The following TAFA1 variants were observed in gnomAD, a reference collection of about 807,000 sequenced individuals.
TAFA1 encodes chemokine-like protein TAFA-1.
A neutral mutation model predicts 18.5 loss-of-function variants in TAFA1; 4 were observed. That is an observed-to-expected ratio of 0.22 (90% CI 0.11 to 0.49). The LOEUF (loss-of-function observed/expected upper bound fraction) is 0.49. Ranked by LOEUF, TAFA1 falls within the 20% of genes least tolerant of loss-of-function variation. The probability of loss-of-function intolerance (pLI) is 0.98; values close to 1 mark genes in which losing one functional copy is unlikely to be tolerated. For missense variants in TAFA1, 147 were observed against 169.0 expected (o/e 0.87, Z 0.72); for synonymous variants, 56 against 55.2 (o/e 1.01, Z -0.06).
chr3:68,349,608 A>G (rs960839154), intron 2 of TAFA1, among the ~76,000 whole-genome samples: 2 of 152,134 alleles, frequency 1.3e-5, no homozygotes, highest in Non-Finnish European at 2.9e-5. Context: ...ACCTGGAAAG[A>G]GCCAGATAGT....
intron 2 of TAFA1, among the ~76,000 whole-genome samples, chr3:68,365,989 G>A (rs1203233258): frequency 2.0e-5 from 3 of 149,856 alleles, no homozygotes; most frequent in Non-Finnish European, 4.4e-5. Flanking sequence ...GGAGGCTGAG[G>A]CAGGAGAATC....
chr3:68,243,414 G>A (rs2067027499), intron 2 of TAFA1, among the ~76,000 whole-genome samples: 2 of 151,982 alleles, frequency 1.3e-5, no homozygotes, highest in Admixed American at 6.6e-5. Flanking sequence ...GATATTTAAT[G>A]TAACATTGCC....
intron 2 of TAFA1, among the ~76,000 whole-genome samples, chr3:68,374,141 AACGTAGCC>A (rs1368637173): frequency 6.6e-6 from 1 of 152,166 alleles, no homozygotes; most frequent in Non-Finnish European, 1.5e-5. Context: ...CACATGGTGA[AACGTAGCC>A]ACCCACAACT....
intron 2 of TAFA1, among the ~76,000 whole-genome samples, chr3:68,021,252 T>C (rs573640870): frequency 7.4e-6 from 1 of 135,370 alleles, no homozygotes; most frequent in Non-Finnish European, 1.6e-5. Flanking sequence ...GTGTCACTAA[T>C]AGGGAAGTTT....
chr3:68,209,756 T>C (rs888066795), intron 2 of TAFA1, among the ~76,000 whole-genome samples: 1 of 152,062 alleles, frequency 6.6e-6, no homozygotes, highest in Non-Finnish European at 1.5e-5. Flanking sequence ...TCATGTTTGC[T>C]GTTAAGTTAG....
intron 3 of TAFA1, among the ~76,000 whole-genome samples, chr3:68,528,204 T>C (rs1322860530): frequency 1.3e-5 from 2 of 152,168 alleles, no homozygotes; most frequent in Non-Finnish European, 2.9e-5. Flanking sequence ...AGTATAAAGT[T>C]TATTAGGCAT....
At chr3:68,359,710 G>A (rs928438158) in intron 2 of TAFA1, among the ~76,000 whole-genome samples, 6 of 151,792 alleles carry the variant, frequency 4.0e-5, no homozygotes, top group African/African-American at 1.2e-4. Flanking sequence ...ATAATAAATT[G>A]GTGTTGTTTC....
At chr3:68,399,717 T>C (rs1463376053) in intron 2 of TAFA1, among the ~76,000 whole-genome samples, 2 of 152,222 alleles carry the variant, frequency 1.3e-5, no homozygotes, top group Non-Finnish European at 2.9e-5. Context: ...CTAAATGCTT[T>C]ATGCACATTT....
intron 3 of TAFA1, among the ~76,000 whole-genome samples, chr3:68,464,877 G>T (rs2071856048): frequency 6.6e-6 from 1 of 152,118 alleles, no homozygotes; most frequent in South Asian, 2.1e-4. Flanking sequence ...TGCCAAAGGA[G>T]AGAAGAAATC....
chr3:68,423,878 A>G (rs978615364), intron 3 of TAFA1, among the ~76,000 whole-genome samples: 6 of 151,980 alleles, frequency 3.9e-5, no homozygotes, highest in Non-Finnish European at 8.8e-5. Flanking sequence ...AATCTCTATG[A>G]TAAGTTCAGA....
intron 3 of TAFA1, among the ~76,000 whole-genome samples, chr3:68,488,331 C>A (rs986983379): frequency 1.3e-5 from 2 of 152,186 alleles, no homozygotes; most frequent in Non-Finnish European, 2.9e-5. Flanking sequence ...GTTCTTCTGT[C>A]TGCTTTTATT....
At chr3:68,337,326 A>T (rs1241921233) in intron 2 of TAFA1, among the ~76,000 whole-genome samples, 1 of 151,980 alleles carries the variant, frequency 6.6e-6, no homozygotes, top group Non-Finnish European at 1.5e-5. Context: ...GGTGCCACAC[A>T]TTTAAACAAT....
chr3:68,136,583 T>G (rs1318045412), intron 2 of TAFA1, among the ~76,000 whole-genome samples: 2 of 152,134 alleles, frequency 1.3e-5, no homozygotes, highest in Non-Finnish European at 2.9e-5. Flanking sequence ...CCCCAACCCC[T>G]TCACAGGGCG....
chr3:68,099,603 CT>C, intron 2 of TAFA1, among the ~76,000 whole-genome samples: 1 of 152,160 alleles, frequency 6.6e-6, no homozygotes, highest in African/African-American at 2.4e-5. Context: ...TCTCAAAGAA[CT>C]AAAAACAGAA....
chr3:68,534,281 C>A (rs1438069527), intron 3 of TAFA1, among the ~76,000 whole-genome samples: 1 of 152,158 alleles, frequency 6.6e-6, no homozygotes, highest in Admixed American at 6.5e-5. Flanking sequence ...ACAGGACCAC[C>A]TTTGCTAGCC....
chr3:68,034,769 AGATTGGGGAG>A (rs1461258790), intron 2 of TAFA1, among the ~76,000 whole-genome samples: 3 of 152,166 alleles, frequency 2.0e-5, no homozygotes, highest in African/African-American at 7.2e-5. Context: ...GGAACACTAT[AGATTGGGGAG>A]GACAGGAATT....
At chr3:68,395,786 T>G (rs1342923554) in intron 2 of TAFA1, among the ~76,000 whole-genome samples, 1 of 151,994 alleles carries the variant, frequency 6.6e-6, no homozygotes. Context: ...GAGGGGAATA[T>G]CACACACTGG....
chr3:68,454,277 A>G (rs1419236100), intron 3 of TAFA1, among the ~76,000 whole-genome samples: 1 of 152,068 alleles, frequency 6.6e-6, no homozygotes, highest in Non-Finnish European at 1.5e-5. Context: ...CTTTCACCCC[A>G]TCTATTCATT....
intron 3 of TAFA1, among the ~76,000 whole-genome samples, chr3:68,537,496 TC>T (rs1445606251): frequency 3.3e-5 from 5 of 152,208 alleles, no homozygotes; most frequent in Non-Finnish European, 7.3e-5. Flanking sequence ...AACGTTGGTC[TC>T]ACAGGTAGCA....
Sources: allele counts gnomAD v4.1 joint callset (sites outside exome capture counted in the v4.1 genomes callset), GRCh38; gene constraint gnomAD v4.1.1; transcripts MANE v1.5; gene names NCBI Gene and HGNC (gene_info 2026-07-23, HGNC 2026-07-21).